Variants in TPST1 observed in about 807,000 individuals in gnomAD.
TPST1 encodes the protein tyrosylprotein sulfotransferase 1, also known as protein-tyrosine sulfotransferase 1.
In TPST1, 20 loss-of-function variants were observed where a neutral mutation model predicts 34.8. The ratio of observed to expected loss-of-function variants is 0.57; its 90% CI spans 0.40 to 0.84. The LOEUF is 0.84. Ranked by LOEUF, TPST1 falls within the 40% of genes least tolerant of loss-of-function variation. The pLI is 0.00. For synonymous variants in TPST1, 152 were observed against 159.4 expected (o/e 0.95, Z 0.35); for missense variants, 353 against 455.5 (o/e 0.78, Z 2.05).
intron 1 of TPST1, among the ~76,000 whole-genome samples, chr7:66,213,182 T>C (rs753143763): frequency 2.6e-5 from 4 of 152,198 alleles, no homozygotes; most frequent in Non-Finnish European, 4.4e-5. Context: ...TGTGACTGAA[T>C]GTTAGATCTT....
Position 66,307,187 on chromosome 7 carries a change from G to A in TPST1, c.1044+20478G>A, listed in dbSNP as rs900867140. ...GCTCTGTCTGCAGTGATGAGATCTC[G>A]GCTCACTGCAAGGTCCGCCTCCCGG... On this transcript the variant is annotated intron_variant, in intron 3 of 5. Coordinates refer to ENST00000304842, the MANE Select transcript of TPST1 (RefSeq NM_003596.4). 6.0e-5 allele frequency among the ~76,000 whole-genome samples: 9 copies of A among 150,478 alleles called. No homozygotes were observed. The South Asian group carries it at 6.3e-4, about 11-fold the overall frequency.
chr7:66,212,154 A>G (rs1040753353), intron 1 of TPST1, among the ~76,000 whole-genome samples: 3 of 152,218 alleles, frequency 2.0e-5, no homozygotes, highest in Admixed American at 2.0e-4. Flanking sequence ...CGATTAAGGT[A>G]TATCGATCTT....
intron 2 of TPST1, among the ~76,000 whole-genome samples, chr7:66,276,574 G>C (rs1790822008): frequency 6.6e-6 from 1 of 151,412 alleles, no homozygotes. Flanking sequence ...AAATTGGAAA[G>C]CTTTTAAATC....
At chr7:66,259,844 A>G (rs986883368) in intron 2 of TPST1, among the ~76,000 whole-genome samples, 7 of 152,216 alleles carry the variant, frequency 4.6e-5, no homozygotes, top group African/African-American at 1.7e-4. Flanking sequence ...GTATACTACC[A>G]TATATCTACC....
At chr7:66,253,512 C>T (rs1175572649) in intron 2 of TPST1, among the ~76,000 whole-genome samples, 2 of 151,754 alleles carry the variant, frequency 1.3e-5, no homozygotes, top group African/African-American at 2.4e-5. Context: ...GCTGGGACTA[C>T]AGGCGTGTGC....
chr7:66,286,709 G>T lies in TPST1; in HGVS notation c.1044G>T (p.Arg348Ser). 1 of 1,503,418 alleles carries T rather than the reference G, an allele frequency of 6.7e-7. No homozygotes were observed. Among genetic ancestry groups the T allele is most frequent in the South Asian group, 1.4e-5 (1 of 71,510 alleles). The allele number at this position is 1,503,418 out of a possible 1,614,324, so 93.1% of individuals were successfully genotyped here. A position where few individuals can be genotyped will look rare whatever the true frequency, so the allele number is the denominator to read the frequency against. The change falls in exon 3 of 6, where the codon AGG (arginine) becomes AGT (serine). Residue 348 changes from arginine to serine, a missense_variant and splice_region_variant. Transcript: ENST00000304842. ...PDPKIIENTR[R>S]VYKGEFQLPD... ...CCAAAATTATTGAAAACACTCGAAGGGTAAGTGAGATTTTTTAAAGCAACT... is the reference window on the plus strand; with the variant it reads ...CCAAAATTATTGAAAACACTCGAAGTGTAAGTGAGATTTTTTAAAGCAACT...
chr7:66,272,339 A>G (rs916015672), intron 2 of TPST1, among the ~76,000 whole-genome samples: 1 of 152,246 alleles, frequency 6.6e-6, no homozygotes, highest in Non-Finnish European at 1.5e-5. Context: ...TAAATGCGAT[A>G]TACCACATTT....
At chr7:66,280,556 G>A (rs543227729) in intron 2 of TPST1, among the ~76,000 whole-genome samples, 1 of 152,232 alleles carries the variant, frequency 6.6e-6, no homozygotes, top group African/African-American at 2.4e-5. Flanking sequence ...AAGTCATATC[G>A]TCTGCAAATA....
At chr7:66,293,861 G>T (rs1023956608) in intron 3 of TPST1, among the ~76,000 whole-genome samples, 4 of 152,168 alleles carry the variant, frequency 2.6e-5, no homozygotes, top group Non-Finnish European at 5.9e-5. Context: ...AGAGAAAGTT[G>T]CTATTAAAGT....
intron 3 of TPST1, among the ~76,000 whole-genome samples, chr7:66,337,692 A>T (rs1461192595): frequency 6.6e-6 from 1 of 152,216 alleles, no homozygotes; most frequent in Non-Finnish European, 1.5e-5. Context: ...AAATCAAAAC[A>T]TCAAAAAGTC....
At chr7:66,216,134 A>G (rs1273538685) in intron 1 of TPST1, among the ~76,000 whole-genome samples, 1 of 152,066 alleles carries the variant, frequency 6.6e-6, no homozygotes, top group Non-Finnish European at 1.5e-5. Flanking sequence ...ATTTATTCAG[A>G]TTTTTAATAT....
At chr7:66,273,915 A>G (rs916347712) in intron 2 of TPST1, among the ~76,000 whole-genome samples, 3 of 151,876 alleles carry the variant, frequency 2.0e-5, no homozygotes, top group African/African-American at 7.3e-5. Flanking sequence ...CGATTCTCTC[A>G]CCTGAGCCTT....
chr7:66,254,756 T>C (rs953323100), intron 2 of TPST1, among the ~76,000 whole-genome samples: 2 of 152,240 alleles, frequency 1.3e-5, no homozygotes, highest in African/African-American at 4.8e-5. Flanking sequence ...TATATAATTG[T>C]AAATGACTTT....
intron 2 of TPST1, among the ~76,000 whole-genome samples, chr7:66,267,433 T>C (rs1456349465): frequency 6.6e-6 from 1 of 151,984 alleles, no homozygotes; most frequent in East Asian, 1.9e-4. Context: ...TTTGCAACCA[T>C]TTGTAGGCCA....
chr7:66,293,530 T>C (rs1426943528), intron 3 of TPST1, among the ~76,000 whole-genome samples: 3 of 152,002 alleles, frequency 2.0e-5, no homozygotes, highest in African/African-American at 7.2e-5. Flanking sequence ...TGAAGAAAAA[T>C]TATATTTGTA....
chr7:66,219,794 G>A (rs1299507310), intron 1 of TPST1, among the ~76,000 whole-genome samples: 1 of 152,140 alleles, frequency 6.6e-6, no homozygotes, highest in Non-Finnish European at 1.5e-5. Flanking sequence ...GTCAGACCTG[G>A]GTTCCAGCTT....
intron 1 of TPST1, among the ~76,000 whole-genome samples, chr7:66,227,244 G>C (rs537720695): frequency 6.6e-6 from 1 of 151,566 alleles, no homozygotes. Context: ...TCTTGGTCAG[G>C]CTGGTCTTGA....
At chr7:66,241,922 T>G (rs1330802170) in intron 2 of TPST1, among the ~76,000 whole-genome samples, 1 of 152,240 alleles carries the variant, frequency 6.6e-6, no homozygotes, top group Non-Finnish European at 1.5e-5. Context: ...TACTACGTGT[T>G]GTGCTTCCTT....
rs773604813 is a variant in TPST1, at chr7:66,286,571, G to A, written c.906G>A (p.Trp302Ter). 8 of 1,609,976 alleles carry A rather than the reference G, an allele frequency of 5.0e-6. No individual in the cohort carries two copies. Among genetic ancestry groups the A allele is most frequent in the Non-Finnish European group, 6.8e-6 (8 of 1,177,640 alleles). ...TCAATGTAGGAGCTCTATCAAAATGGGTTGGGAAGATACCGCCAGATGTTT... is the reference window on the plus strand; with the variant it reads ...TCAATGTAGGAGCTCTATCAAAATGAGTTGGGAAGATACCGCCAGATGTTT... ...KPVNVGALSK[W>*]VGKIPPDVLQ... The change falls in exon 3 of 6, where the codon TGG (tryptophan) becomes TGA (stop). Residue 302 changes from tryptophan to a stop codon, truncating the protein, a stop_gained. Coordinates refer to ENST00000304842, the MANE Select transcript of TPST1 (RefSeq NM_003596.4). LOFTEE classifies it high-confidence loss of function.
Sources: allele counts gnomAD v4.1 joint callset (sites outside exome capture counted in the v4.1 genomes callset), GRCh38; gene constraint gnomAD v4.1.1; transcripts MANE v1.5; gene names NCBI Gene and HGNC (gene_info 2026-07-23, HGNC 2026-07-21).